Variants in THSD7B observed in about 807,000 individuals in gnomAD.
THSD7B encodes thrombospondin type-1 domain-containing protein 7B.
In THSD7B, 138 loss-of-function variants were observed where a neutral mutation model predicts 213.6. The observed-to-expected ratio is 0.65, with a 90% CI of 0.56 to 0.74. The LOEUF is 0.74. THSD7B is among the 30% of genes least tolerant of loss of function. The pLI is 0.00. For missense variants in THSD7B, 1,931 were observed against 1,991.5 expected, an observed-to-expected ratio of 0.97 and a Z score of 0.58; for synonymous variants, 742 against 687.0, an observed-to-expected ratio of 1.08 and a Z score of -1.25.
At chr2:137,160,406 G>A in intron 6 of THSD7B, 38 bp downstream of exon 6, 4 of 1,603,646 alleles carry the variant, frequency 2.5e-6, no homozygotes, top group Admixed American at 1.7e-5. Flanking sequence ...TTTGCTGTCA[G>A]CGTACAAACA....
rs559039229 is a variant in THSD7B at position 136,957,402 on chromosome 2, A to G, written c.139+75085A>G. On this transcript the variant is annotated intron_variant, in intron 2 of 27. Transcript: ENST00000409968. ...ATGAGCCCAGAGTCCTGCTGTAACT[A>G]TTTTAGCCTTTTCAGTTGCATGGGC... 4.7e-5 allele frequency among the ~76,000 whole-genome samples: 7 copies of G among 147,782 alleles called. No individual in the cohort carries two copies. In the South Asian group the frequency reaches 1.5e-3, roughly 32 times the overall value.
chr2:137,297,095 T>C (rs1683483757), intron 12 of THSD7B, among the ~76,000 whole-genome samples: 2 of 149,732 alleles, frequency 1.3e-5, no homozygotes, highest in Admixed American at 6.7e-5. Context: ...AAACAATTAC[T>C]GATGTGAATA....
chr2:137,290,115 T>C (rs1288650898), intron 12 of THSD7B, among the ~76,000 whole-genome samples: 4 of 148,718 alleles, frequency 2.7e-5, no homozygotes, highest in East Asian at 3.9e-4. Flanking sequence ...GTTTTCTTTT[T>C]TTTTTTTTTT....
chr2:137,519,993 G>A (rs570647927), intron 15 of THSD7B, among the ~76,000 whole-genome samples: 1 of 152,162 alleles, frequency 6.6e-6, no homozygotes. Context: ...ACATGAAGAC[G>A]AAGAGCCCTG....
chr2:137,051,862 A>AT (rs1573790434), intron 2 of THSD7B, among the ~76,000 whole-genome samples: 1 of 152,118 alleles, frequency 6.6e-6, no homozygotes, highest in Admixed American at 6.5e-5. Context: ...TGTTTCAGGC[A>AT]TTTTATTGAA....
At chr2:137,667,640 G>A in intron 26 of THSD7B, 134 bp from the exon 27 acceptor site, 1 of 649,838 alleles carries the variant, frequency 1.5e-6, no homozygotes, top group Non-Finnish European at 2.7e-6. Flanking sequence ...TGAGTGCACA[G>A]TTGGCTAAAG....
intron 1 of THSD7B, among the ~76,000 whole-genome samples, chr2:136,829,848 C>T (rs1332592628): frequency 6.6e-6 from 1 of 152,156 alleles, no homozygotes; most frequent in Non-Finnish European, 1.5e-5. Flanking sequence ...TTCCTTCTGT[C>T]TTACTACTTT....
chr2:137,515,762 A>C (rs1027543957), intron 15 of THSD7B, among the ~76,000 whole-genome samples: 1 of 152,190 alleles, frequency 6.6e-6, no homozygotes, highest in Non-Finnish European at 1.5e-5. Flanking sequence ...AAGATGACTC[A>C]CTGTGAGTGA....
chr2:136,805,043 A>G (rs2059730), intron 1 of THSD7B, among the ~76,000 whole-genome samples: 103,887 of 152,038 alleles, frequency 0.68, 35,729 homozygotes, highest in East Asian at 0.81. Context: ...ATACTGAGCT[A>G]AAAACCTTCA....
intron 12 of THSD7B, among the ~76,000 whole-genome samples, chr2:137,399,162 T>C (rs1686289165): frequency 6.6e-6 from 1 of 151,392 alleles, no homozygotes; most frequent in Non-Finnish European, 1.5e-5. Flanking sequence ...ACTGGAGCTG[T>C]TCCTATTCGG....
chr2:137,113,656 C>T (rs1489488556), intron 4 of THSD7B, among the ~76,000 whole-genome samples: 1 of 152,028 alleles, frequency 6.6e-6, no homozygotes, highest in Admixed American at 6.6e-5. Flanking sequence ...AGGCTGGTCT[C>T]GAACTCCTGA....
chr2:136,900,672 T>C (rs1684048744), intron 2 of THSD7B, among the ~76,000 whole-genome samples: 1 of 152,208 alleles, frequency 6.6e-6, no homozygotes. Context: ...CAAATGTCTT[T>C]ACATACCACT....
rs1326972687 is a variant in THSD7B at position 137,006,445 on chromosome 2, T to TAC, written c.140-49974_140-49973insCA. Among the ~76,000 whole-genome samples, 167 of 148,556 alleles carry TAC rather than the reference T, an allele frequency of 1.1e-3. 1 individual carries two copies. The highest frequency in any genetic ancestry group is 3.8e-3 in the African/African-American group (151 of 39,728). The stretch of plus-strand genomic sequence containing the variant: ...ATACATACATACATACATACATACA[T>TAC]ATAGGTTGTATATGAAAAGCATATA... On this transcript the variant is annotated intron_variant, in intron 2 of 27. Coordinates refer to ENST00000409968, the MANE Select transcript of THSD7B (RefSeq NM_001316349.2).
In THSD7B at chr2:137,321,790, C is replaced by T. The variant is rs374339714; in HGVS notation, c.2500+45764C>T. Among the ~76,000 whole-genome samples, 71 of 152,258 alleles carry T rather than the reference C, an allele frequency of 4.7e-4. No homozygotes were observed. The East Asian group carries it at 7.0e-3, about 15-fold the overall frequency. Reference sequence around the variant, plus strand: ...ACCCAAGAAATACAAATATACCAACCATATTGTGTTGTTTCAGTCCATGCT... The same window carrying T: ...ACCCAAGAAATACAAATATACCAACTATATTGTGTTGTTTCAGTCCATGCT... On this transcript the variant is annotated intron_variant, in intron 12 of 27. Coordinates refer to ENST00000409968, the MANE Select transcript of THSD7B (RefSeq NM_001316349.2).
intron 12 of THSD7B, among the ~76,000 whole-genome samples, chr2:137,277,813 G>A (rs1682906551): frequency 6.6e-6 from 1 of 152,072 alleles, no homozygotes; most frequent in African/African-American, 2.4e-5. Flanking sequence ...AGAAGGAAGT[G>A]TGCAAGAGTG....
intron 12 of THSD7B, among the ~76,000 whole-genome samples, chr2:137,331,785 G>C (rs1251060085): frequency 1.3e-5 from 2 of 152,170 alleles, no homozygotes; most frequent in African/African-American, 4.8e-5. Context: ...GTGAGAAATC[G>C]AGCGCAGCGC....
chr2:137,036,791 A>T (rs140147983), intron 2 of THSD7B, among the ~76,000 whole-genome samples: 1 of 152,262 alleles, frequency 6.6e-6, no homozygotes, highest in East Asian at 1.9e-4. Flanking sequence ...AAGTACAATT[A>T]CTCATTTCTA....
At chr2:137,066,104 AT>A (rs1263247928) in intron 3 of THSD7B, among the ~76,000 whole-genome samples, 1 of 150,418 alleles carries the variant, frequency 6.6e-6, no homozygotes, top group Admixed American at 6.6e-5. Context: ...CTATTCCTCA[AT>A]TTTTATATGA....
At chr2:137,674,476 A>T (rs1683651451) in intron 27 of THSD7B, among the ~76,000 whole-genome samples, 1 of 152,126 alleles carries the variant, frequency 6.6e-6, no homozygotes. Context: ...TGGTGTGTGC[A>T]TGATTTCTTA....
Sources: gnomAD v4.1 joint callset for allele counts (sites outside exome capture counted in the v4.1 genomes callset) on GRCh38, gnomAD v4.1.1 for gene constraint, MANE v1.5 for transcripts, NCBI Gene and HGNC (gene_info 2026-07-23, HGNC 2026-07-21) for gene names.